TRIM66: variants seen among roughly 807,000 people sequenced by gnomAD.
TRIM66 encodes tripartite motif containing 66.
In TRIM66, 99 loss-of-function variants were observed where a neutral mutation model predicts 148.2. That is an observed-to-expected ratio of 0.67 (90% confidence interval 0.57 to 0.79). The LOEUF is 0.79. Among genes scored for constraint, TRIM66 ranks in the 30% least tolerant of loss-of-function variants. The pLI is 0.00. For missense variants in TRIM66, 1,666 were observed against 1,697.9 expected, an observed-to-expected ratio of 0.98 and a Z score of 0.33; for synonymous variants, 616 against 635.9, an observed-to-expected ratio of 0.97 and a Z score of 0.47.
chr11:8,669,753 T>C (rs534024414), intron 6 of TRIM66, among the ~76,000 whole-genome samples: 6 of 152,184 alleles, frequency 3.9e-5, no homozygotes, highest in East Asian at 1.9e-4. Flanking sequence ...GGGTCAGAGA[T>C]TGTTAAGCAA....
At chr11:8,639,183 G>A (rs560915491) in intron 14 of TRIM66, among the ~76,000 whole-genome samples, 2 of 152,296 alleles carry the variant, frequency 1.3e-5, no homozygotes, top group Admixed American at 6.5e-5. Flanking sequence ...GGCCTCAGGG[G>A]AAGACATTGA....
At chr11:8,643,831 T>C (rs1565524629) in intron 12 of TRIM66, among the ~76,000 whole-genome samples, 2 of 152,158 alleles carry the variant, frequency 1.3e-5, no homozygotes, top group South Asian at 2.1e-4. Context: ...TCCTACTCAA[T>C]AGCCCTCTTC....
At position 8,614,077 on chromosome 11, in the gene TRIM66, C is replaced by A. The variant is rs1239665523; in HGVS notation, c.*3867G>T. ...GATACGCCTGGCGCAGTGGCTCACG[C>A]CTGTAATCCCAGCACTTTGGGAGGC... On this transcript the variant is annotated 3_prime_UTR_variant, in exon 25 of 25. Coordinates refer to ENST00000646038, the MANE Select transcript of TRIM66 (RefSeq NM_001388022.1). 1 of 152,326 alleles carries A rather than the reference C, an allele frequency of 6.6e-6. No homozygotes were observed. Among genetic ancestry groups the A allele is most frequent in the East Asian group, 1.9e-4 (1 of 5,194 alleles). 9.4% of individuals were successfully genotyped at this position (152,326 alleles called of 1,614,324 possible).
Position 8,640,766 on chromosome 11 carries a change from G to C in TRIM66, c.1609C>G (p.Pro537Ala), listed in dbSNP as rs1012427490. The stretch of plus-strand genomic sequence containing the variant: ...TGGGATGTGCTCTCCTGCTCCACGG[G>C]GGGCTGGGTTTCCAGCCAGGGCTGC... Reference protein sequence around the residue: ...LLQPWLETQPPVEQESTSQRL... With the variant: ...LLQPWLETQPAVEQESTSQRL... The change falls in exon 14 of 25, where the codon CCC (proline) becomes GCC (alanine). Residue 537 changes from proline to alanine, a missense_variant. Pro to Ala is a conservative substitution (Grantham distance 27). Transcript: ENST00000646038. 9.2e-5 allele frequency: 143 copies of C among 1,551,192 alleles called. No homozygotes were observed. Among genetic ancestry groups the C allele is most frequent in the Admixed American group, 2.4e-4 (12 of 50,984 alleles).
intron 15 of TRIM66, among the ~76,000 whole-genome samples, chr11:8,635,515 G>A (rs551496139): frequency 4.6e-5 from 7 of 152,220 alleles, no homozygotes. Context: ...TAGTTTTGTG[G>A]ACAACCAGTG....
At chr11:8,674,585 C>T (rs929389930) in intron 4 of TRIM66, among the ~76,000 whole-genome samples, 13 of 152,026 alleles carry the variant, frequency 8.6e-5, no homozygotes, top group Non-Finnish European at 7.4e-5. Context: ...CCAGGTCTTG[C>T]TATGTAGCCC....
intron 15 of TRIM66, among the ~76,000 whole-genome samples, chr11:8,633,258 G>A (rs1011005350): frequency 6.6e-6 from 1 of 152,068 alleles, no homozygotes; most frequent in Non-Finnish European, 1.5e-5. Context: ...GGAGGCAGAG[G>A]TTGCGGTGAG....
In TRIM66 at chr11:8,612,444, C is replaced by T. The variant is rs954935316; in HGVS notation, c.*5500G>A. 2 of 152,190 alleles carry T rather than the reference C, an allele frequency of 1.3e-5. No homozygotes were observed. The highest frequency in any genetic ancestry group is 4.8e-5 in the African/African-American group (2 of 41,436). The allele number at this position is 152,190 out of a possible 1,614,324, so 9.4% of individuals were successfully genotyped here. A position where few individuals can be genotyped will look rare whatever the true frequency, so the allele number is the denominator to read the frequency against. On this transcript the variant is annotated 3_prime_UTR_variant, in exon 25 of 25. Coordinates refer to ENST00000646038, the MANE Select transcript of TRIM66 (RefSeq NM_001388022.1). ...TGAGAGATCACTGTTCTCAGCCATT[C>T]TCCCACCACAACTTTATAGATGAGG...
At chr11:8,651,493 A>G (rs986657847) in intron 7 of TRIM66, among the ~76,000 whole-genome samples, 7 of 152,204 alleles carry the variant, frequency 4.6e-5, no homozygotes, top group Non-Finnish European at 8.8e-5. Context: ...CAAGAGCTGT[A>G]AGAGAGAGAA....
Position 8,645,791 on chromosome 11 carries a change from A to T in TRIM66, c.1054T>A (p.Trp352Arg), listed in dbSNP as rs548644392. 7.1e-6 allele frequency: 11 copies of T among 1,551,774 alleles called. No homozygotes were observed. In the African/African-American group the frequency reaches 1.1e-4, roughly 15 times the overall value. The change falls in exon 12 of 25, where the codon TGG becomes AGG. Residue 352 changes from tryptophan (W) to arginine (R), a missense_variant. Trp to Arg is a moderately radical substitution (Grantham distance 101). Coordinates refer to ENST00000646038, the MANE Select transcript of TRIM66 (RefSeq NM_001388022.1). Reference sequence around the variant, plus strand: ...ACACTGGTTTTGCTGCAGACAGCCCAGTTGATGAAATTCTGCACATGCTCA... The same window carrying T: ...ACACTGGTTTTGCTGCAGACAGCCCTGTTGATGAAATTCTGCACATGCTCA... ...QFEHVQNFIN[W>R]AVCSKTSVPF...
At chr11:8,661,417 C>A (rs1186731444) in intron 6 of TRIM66, among the ~76,000 whole-genome samples, 2 of 152,208 alleles carry the variant, frequency 1.3e-5, no homozygotes, top group Non-Finnish European at 2.9e-5. Context: ...ATCTGACAGA[C>A]CCTCACTGAC....
At chr11:8,654,863 G>T (rs1279755870) in intron 6 of TRIM66, among the ~76,000 whole-genome samples, 1 of 151,844 alleles carries the variant, frequency 6.6e-6, no homozygotes, top group Non-Finnish European at 1.5e-5. Context: ...GTTTTTGTTT[G>T]TTTTTGTTTT....
At chr11:8,620,782 T>C (rs55780316) in intron 20 of TRIM66, among the ~76,000 whole-genome samples, 5,691 of 152,292 alleles carry the variant, frequency 0.037, 163 homozygotes, top group South Asian at 0.09. Flanking sequence ...GGGGTAGTAG[T>C]ATAGGCACAA....
chr11:8,682,670 A>C, upstream of TRIM66: 1 of 896,568 alleles, frequency 1.1e-6, no homozygotes, highest in Non-Finnish European at 1.9e-6. Flanking sequence ...GGAAGCGACT[A>C]GCAGGCGCGC....
chr11:8,654,853 G>GT (rs2037674321), intron 6 of TRIM66, among the ~76,000 whole-genome samples: 1 of 151,888 alleles, frequency 6.6e-6, no homozygotes, highest in Non-Finnish European at 1.5e-5. Flanking sequence ...TTTCTGTTTT[G>GT]TTTTTGTTTG....
intron 6 of TRIM66, among the ~76,000 whole-genome samples, chr11:8,656,842 CT>C (rs1216777772): frequency 6.6e-6 from 1 of 152,160 alleles, no homozygotes; most frequent in Non-Finnish European, 1.5e-5. Context: ...CTGAATTCAG[CT>C]GTGATGTAGC....
rs1361388001 is a variant in TRIM66, at chr11:8,624,550, A to G, written c.2828T>C (p.Met943Thr). Residue 943 changes from methionine to threonine, a missense_variant and splice_region_variant, in exon 17 of 25, where the codon ATG becomes ACG. Coordinates refer to ENST00000646038, the MANE Select transcript of TRIM66 (RefSeq NM_001388022.1). ...DPSLENALCK[M>T]ESEDSTRFTD... ...GAAGCGAGTGGAATCCTCACTTTCC[A>G]TCTTTCAAAAGTGAAATGTCGACAA... The G allele has an allele frequency of 2.0e-6, 3 of 1,522,718 alleles. No homozygotes were observed. The highest frequency in any genetic ancestry group is 2.6e-6 in the Non-Finnish European group (3 of 1,135,778). 94.3% of individuals were successfully genotyped at this position (1,522,718 alleles called of 1,614,324 possible).
At chr11:8,648,640 G>A (rs1398836705) in intron 8 of TRIM66, 92 bp from the exon 9 acceptor site, 12 of 1,427,652 alleles carry the variant, frequency 8.4e-6, no homozygotes, top group Non-Finnish European at 1.0e-5. Flanking sequence ...GCCTTCAGAG[G>A]ACACTGCAGA....
intron 6 of TRIM66, among the ~76,000 whole-genome samples, chr11:8,667,716 C>T (rs934394150): frequency 2.0e-5 from 3 of 152,244 alleles, no homozygotes; most frequent in Admixed American, 2.0e-4. Context: ...CCTAAAGCTT[C>T]ATCCATGTTG....
Sources: gnomAD v4.1 joint callset for allele counts (sites outside exome capture counted in the v4.1 genomes callset) on GRCh38, gnomAD v4.1.1 for gene constraint, MANE v1.5 for transcripts, NCBI Gene and HGNC (gene_info 2026-07-23, HGNC 2026-07-21) for gene names.